The following SMYD3 variants were observed in gnomAD, a reference collection of about 807,000 sequenced individuals.
SMYD3 encodes SET and MYND domain containing 3.
In SMYD3, 36 loss-of-function variants were observed where a neutral mutation model predicts 57.7. The ratio of observed to expected loss-of-function variants is 0.62; its 90% CI spans 0.48 to 0.82. The LOEUF (loss-of-function observed/expected upper bound fraction) is 0.82, where lower values mean the gene tolerates loss of function less well. Ranked by LOEUF, SMYD3 falls within the 40% of genes least tolerant of loss-of-function variation. The pLI is 0.00. For synonymous variants in SMYD3, 211 were observed against 195.0 expected (o/e 1.08, Z -0.68); for missense variants, 515 against 538.8 (o/e 0.96, Z 0.44).
At chr1:246,140,403 T>A (rs1402108707) in intron 5 of SMYD3, among the ~76,000 whole-genome samples, 1 of 152,154 alleles carries the variant, frequency 6.6e-6, no homozygotes, top group Non-Finnish European at 1.5e-5. Flanking sequence ...AGCAACAATA[T>A]AAGGTCAACA....
intron 8 of SMYD3, among the ~76,000 whole-genome samples, chr1:245,893,282 C>T (rs1261776790): frequency 6.6e-6 from 1 of 151,992 alleles, no homozygotes; most frequent in East Asian, 1.9e-4. Flanking sequence ...ACAATAGGGG[C>T]TGCTTTGAAA....
intron 5 of SMYD3, among the ~76,000 whole-genome samples, chr1:245,959,144 CAAAA>C (rs66737503): frequency 6.6e-6 from 1 of 151,918 alleles, no homozygotes; most frequent in South Asian, 2.1e-4. Flanking sequence ...AACAAACAAA[CAAAA>C]AACAAACAAA....
At chr1:246,275,084 G>A (rs939239141) in intron 5 of SMYD3, among the ~76,000 whole-genome samples, 1 of 152,124 alleles carries the variant, frequency 6.6e-6, no homozygotes, top group Non-Finnish European at 1.5e-5. Flanking sequence ...CTGAGCTGGT[G>A]TCCTCCTTTC....
intron 5 of SMYD3, among the ~76,000 whole-genome samples, chr1:246,177,726 G>T (rs1202509416): frequency 6.6e-6 from 1 of 152,144 alleles, no homozygotes; most frequent in African/African-American, 2.4e-5. Flanking sequence ...TCGAAAGATG[G>T]AAGACATAAG....
intron 5 of SMYD3, among the ~76,000 whole-genome samples, chr1:246,233,480 G>A (rs1275919364): frequency 2.2e-5 from 3 of 137,664 alleles, no homozygotes; most frequent in Admixed American, 7.2e-5. Context: ...CCACACAGAG[G>A]AGAAGCACTC....
At chr1:246,418,440 G>A (rs2067095810) in intron 1 of SMYD3, among the ~76,000 whole-genome samples, 1 of 152,178 alleles carries the variant, frequency 6.6e-6, no homozygotes, top group African/African-American at 2.4e-5. Context: ...TATGTTTACA[G>A]CTCCTGAAGC....
At chr1:245,857,850 CT>C (rs2148475717) in intron 10 of SMYD3, among the ~76,000 whole-genome samples, 1 of 152,240 alleles carries the variant, frequency 6.6e-6, no homozygotes, top group South Asian at 2.1e-4. Flanking sequence ...CCCTTCAATG[CT>C]TTTCTGAGTT....
At chr1:245,846,448 T>C (rs1572499236) in intron 10 of SMYD3, among the ~76,000 whole-genome samples, 1 of 152,216 alleles carries the variant, frequency 6.6e-6, no homozygotes, top group Non-Finnish European at 1.5e-5. Flanking sequence ...AGTGTAGTAA[T>C]AGTTTATACT....
At chr1:246,249,907 T>C (rs1184749950) in intron 5 of SMYD3, among the ~76,000 whole-genome samples, 1 of 152,268 alleles carries the variant, frequency 6.6e-6, no homozygotes, top group Non-Finnish European at 1.5e-5. Flanking sequence ...TCTTTTCTTC[T>C]AAGAGCAGCT....
At chr1:246,267,653 C>G (rs2064134316) in intron 5 of SMYD3, among the ~76,000 whole-genome samples, 1 of 152,170 alleles carries the variant, frequency 6.6e-6, no homozygotes. Context: ...CTTTAAGGGT[C>G]AGACATTGTG....
At chr1:246,273,777 G>T (rs2064277006) in intron 5 of SMYD3, among the ~76,000 whole-genome samples, 1 of 151,298 alleles carries the variant, frequency 6.6e-6, no homozygotes, top group Non-Finnish European at 1.5e-5. Context: ...TAGAGACAGG[G>T]TTTCACCATG....
intron 1 of SMYD3, among the ~76,000 whole-genome samples, chr1:246,391,604 A>T (rs1022536203): frequency 2.6e-5 from 4 of 152,196 alleles, no homozygotes; most frequent in Admixed American, 2.6e-4. Flanking sequence ...ACCAGTAATC[A>T]TAAGAATGCT....
At chr1:245,781,254 A>G (rs906999478) in intron 10 of SMYD3, among the ~76,000 whole-genome samples, 1 of 152,248 alleles carries the variant, frequency 6.6e-6, no homozygotes, top group Admixed American at 6.5e-5. Context: ...TTATGCTTCA[A>G]TAAAGCTGTT....
intron 5 of SMYD3, among the ~76,000 whole-genome samples, chr1:246,237,359 A>C (rs1160336236): frequency 6.6e-6 from 1 of 152,144 alleles, no homozygotes; most frequent in Admixed American, 6.6e-5. Flanking sequence ...TCTCCTAAAG[A>C]TATTTTTACT....
chr1:246,243,542 C>T (rs1426061407), intron 5 of SMYD3, among the ~76,000 whole-genome samples: 2 of 151,120 alleles, frequency 1.3e-5, no homozygotes, highest in East Asian at 4.1e-4. Flanking sequence ...AGACGTTGGT[C>T]TTCACAGATC....
chr1:246,481,569 C>T (rs946580620), intron 1 of SMYD3, among the ~76,000 whole-genome samples: 5 of 72,448 alleles, frequency 6.9e-5, no homozygotes, highest in East Asian at 5.1e-4. Context: ...TTGCAGAGAA[C>T]GGATCATGGG....
At chr1:246,089,986 A>G (rs1206161069) in intron 5 of SMYD3, among the ~76,000 whole-genome samples, 1 of 151,890 alleles carries the variant, frequency 6.6e-6, no homozygotes, top group Admixed American at 6.6e-5. Flanking sequence ...GGCTGGCACT[A>G]GAAGAATCCA....
intron 5 of SMYD3, among the ~76,000 whole-genome samples, chr1:246,159,012 A>G (rs114792659): frequency 2.1e-3 from 318 of 152,250 alleles, no homozygotes; most frequent in African/African-American, 7.3e-3. Flanking sequence ...CGACAATAAA[A>G]CAGAATACAC....
intron 9 of SMYD3, among the ~76,000 whole-genome samples, chr1:245,859,677 T>C (rs1338204776): frequency 6.6e-6 from 1 of 152,206 alleles, no homozygotes; most frequent in African/African-American, 2.4e-5. Context: ...GGTGCAGGAC[T>C]GGGACTGGTC....
Sources: gnomAD v4.1 joint callset for allele counts (sites outside exome capture counted in the v4.1 genomes callset) on GRCh38, gnomAD v4.1.1 for gene constraint, MANE v1.5 for transcripts, NCBI Gene and HGNC (gene_info 2026-07-23, HGNC 2026-07-21) for gene names.